The following SUSD1 variants were observed in gnomAD, a reference collection of about 807,000 sequenced individuals.
SUSD1 encodes the protein sushi domain containing 1, also known as sushi domain-containing protein 1.
In SUSD1, 65 loss-of-function variants were observed where a neutral mutation model predicts 86.9. That is an observed-to-expected ratio of 0.75 (90% confidence interval 0.61 to 0.92). The LOEUF is 0.92. SUSD1 is among the 40% of genes least tolerant of loss of function. SUSD1 has a pLI of 0.00. For missense variants in SUSD1, 850 were observed against 929.7 expected (o/e 0.91, Z 1.11); for synonymous variants, 346 against 350.0 (o/e 0.99, Z 0.13).
intron 16 of SUSD1, 99 bp downstream of exon 16, chr9:112,041,768 C>T: frequency 8.4e-7 from 1 of 1,195,966 alleles, no homozygotes. Flanking sequence ...CCTCCACCCA[C>T]ACTCCCTTTG....
At chr9:112,063,195 A>G (rs1056235635) in intron 12 of SUSD1, among the ~76,000 whole-genome samples, 162 bp from the exon 13 acceptor site, 1 of 152,224 alleles carries the variant, frequency 6.6e-6, no homozygotes, top group East Asian at 1.9e-4. Context: ...TAAGTGAAAT[A>G]CACCAGGCAC....
chr9:112,149,091 C>T (rs968724700), intron 3 of SUSD1, among the ~76,000 whole-genome samples, 153 bp downstream of exon 3: 1 of 152,088 alleles, frequency 6.6e-6, no homozygotes, highest in Admixed American at 6.6e-5. Context: ...CCTCAGCATG[C>T]ATCTCCCAAA....
At chr9:112,078,809 C>CTA in intron 11 of SUSD1, 85 bp from the exon 12 acceptor site, 20 of 829,646 alleles carry the variant, frequency 2.4e-5, no homozygotes, top group South Asian at 4.2e-5. Flanking sequence ...CTTTTTCTTT[C>CTA]TCTTTTTTTT....
At position 112,142,624 on chromosome 9, in the gene SUSD1, G is replaced by A. The variant is rs1014942893; in HGVS notation, c.527-125C>T. ...CCCCGAGCCATATTTTAAGTACACTGGTTCATTCCCACATGACTTCTGGGA... is the reference window on the plus strand; with the variant it reads ...CCCCGAGCCATATTTTAAGTACACTAGTTCATTCCCACATGACTTCTGGGA... On this transcript the variant is annotated intron_variant, in intron 4 of 16. Transcript: ENST00000374270. The A allele has an allele frequency of 1.6e-5, 14 of 853,824 alleles. No individual in the cohort carries two copies. The African/African-American group carries it at 1.9e-4, about 12-fold the overall frequency. The allele number at this position is 853,824 out of a possible 1,614,324, so 52.9% of individuals were successfully genotyped here.
chr9:112,124,354 G>A lies in SUSD1; in HGVS notation c.789C>T (p.Arg263=), dbSNP rs772079742. ...TCTCAAAGCCCTCTTGACAGACATA[G>A]CGAGCCACACCGCCCAGCCTGGAGC... The part of the protein sequence containing the change: ...NHSSRLGGVA[R]YVCQEGFESP... Residue 263 remains arginine, a synonymous_variant, in exon 6 of 17, where the codon CGC becomes CGT. Transcript: ENST00000374270. The A allele has an allele frequency of 2.5e-6, 4 of 1,614,162 alleles. No individual in the cohort carries two copies. Among genetic ancestry groups the A allele is most frequent in the Non-Finnish European group, 3.4e-6 (4 of 1,180,004 alleles).
chr9:112,168,368 A>G (rs1274863197), intron 1 of SUSD1, among the ~76,000 whole-genome samples: 1 of 152,166 alleles, frequency 6.6e-6, no homozygotes, highest in Non-Finnish European at 1.5e-5. Context: ...AAATTTACAT[A>G]ATCACTCCCT....
At chr9:112,096,512 T>C (rs151142035) in intron 10 of SUSD1, among the ~76,000 whole-genome samples, 115 of 152,302 alleles carry the variant, frequency 7.6e-4, no homozygotes, top group African/African-American at 2.7e-3. Flanking sequence ...TACATTTTAG[T>C]TTATTTTACA....
intron 12 of SUSD1, among the ~76,000 whole-genome samples, chr9:112,069,177 A>G (rs1380603288): frequency 2.0e-5 from 3 of 152,114 alleles, no homozygotes; most frequent in Non-Finnish European, 2.9e-5. Flanking sequence ...CCCAGGCTCT[A>G]AGACCAGGTG....
intron 15 of SUSD1, among the ~76,000 whole-genome samples, chr9:112,050,935 A>T (rs2118887345): frequency 6.6e-6 from 1 of 152,332 alleles, no homozygotes; most frequent in Non-Finnish European, 1.5e-5. Flanking sequence ...GCTCAGCAGA[A>T]ATGTTCCCAC....
chr9:112,053,374 G>T (rs1326003531), intron 14 of SUSD1, among the ~76,000 whole-genome samples: 2 of 151,826 alleles, frequency 1.3e-5, no homozygotes, highest in Non-Finnish European at 2.9e-5. Context: ...AATTAGCTAG[G>T]TGTGGTGGTG....
At chr9:112,116,223 G>A (rs1040350449) in intron 6 of SUSD1, among the ~76,000 whole-genome samples, 6 of 152,040 alleles carry the variant, frequency 3.9e-5, no homozygotes, top group Non-Finnish European at 5.9e-5. Context: ...ACTGTAAATG[G>A]CATCTCAAAG....
intron 5 of SUSD1, among the ~76,000 whole-genome samples, chr9:112,130,457 G>C (rs2131708581): frequency 6.7e-6 from 1 of 150,138 alleles, no homozygotes; most frequent in South Asian, 2.2e-4. Flanking sequence ...AAAGGAGAGG[G>C]AGAGGAGAGG....
intron 13 of SUSD1, among the ~76,000 whole-genome samples, chr9:112,061,889 C>A (rs1261930117): frequency 6.6e-6 from 1 of 151,876 alleles, no homozygotes; most frequent in African/African-American, 2.4e-5. Flanking sequence ...TGTACATTTT[C>A]ATCTCCTTGA....
chr9:112,143,958 G>C (rs1478091280), intron 3 of SUSD1, among the ~76,000 whole-genome samples: 1 of 152,002 alleles, frequency 6.6e-6, no homozygotes, highest in Non-Finnish European at 1.5e-5. Flanking sequence ...AAAATATCCT[G>C]ACCGGGCATG....
At chr9:112,100,189 T>G (rs1328152728) in intron 9 of SUSD1, among the ~76,000 whole-genome samples, 9 of 152,214 alleles carry the variant, frequency 5.9e-5, no homozygotes, top group Non-Finnish European at 1.5e-5. Flanking sequence ...ATCTAATTTT[T>G]TTGTTGTTGT....
chr9:112,111,348 G>A (rs17232633), intron 8 of SUSD1, among the ~76,000 whole-genome samples: 14,894 of 152,190 alleles, frequency 0.098, 961 homozygotes, highest in Non-Finnish European at 0.15. Context: ...ACCCTCTGTT[G>A]CCTTGGATAT....
intron 1 of SUSD1, among the ~76,000 whole-genome samples, chr9:112,165,857 G>GAAAGAGAAAGAAAGAAAGAGAAAGA (rs879435864): frequency 2.2e-5 from 3 of 139,526 alleles, no homozygotes; most frequent in East Asian, 2.1e-4. Context: ...AGAAAGAGAA[G>GAAAGAGAAAGAAAGAAAGAGAAAGA]GAAGGAAGGA....
At chr9:112,174,742 G>T (rs1834192705) in intron 1 of SUSD1, among the ~76,000 whole-genome samples, 1 of 152,162 alleles carries the variant, frequency 6.6e-6, no homozygotes, top group African/African-American at 2.4e-5. Context: ...AAAAGCCACC[G>T]CAGAGCCGGA....
intron 5 of SUSD1, among the ~76,000 whole-genome samples, chr9:112,135,656 G>A (rs1201717854): frequency 6.6e-6 from 1 of 152,162 alleles, no homozygotes; most frequent in Non-Finnish European, 1.5e-5. Flanking sequence ...ATAAGGTAAA[G>A]TAAAAACTGA....
Sources: gnomAD v4.1 joint callset for allele counts (sites outside exome capture counted in the v4.1 genomes callset) on GRCh38, gnomAD v4.1.1 for gene constraint, MANE v1.5 for transcripts, NCBI Gene and HGNC (gene_info 2026-07-23, HGNC 2026-07-21) for gene names.